Variants in MCHR2 observed in about 807,000 individuals in gnomAD.
The protein encoded by MCHR2 is melanin concentrating hormone receptor 2, also known as melanin-concentrating hormone receptor 2.
A neutral mutation model predicts 24.8 loss-of-function variants in MCHR2; 15 were observed. The observed-to-expected ratio is 0.60, with a 90% CI of 0.40 to 0.93. The LOEUF is 0.93. MCHR2 is among the 40% of genes least tolerant of loss of function. The pLI is 0.00. For synonymous variants in MCHR2, 151 were observed against 147.6 expected (o/e 1.02, Z -0.17); for missense variants, 386 against 408.7 (o/e 0.94, Z 0.48).
At chr6:99,948,356 C>G (rs1157642604) in intron 2 of MCHR2, among the ~76,000 whole-genome samples, 1 of 150,002 alleles carries the variant, frequency 6.7e-6, no homozygotes, top group Non-Finnish European at 1.5e-5. Flanking sequence ...GGATTGCTTT[C>G]CCTGGTGGTA....
At chr6:99,930,471 T>C (rs1172192479) in intron 5 of MCHR2, among the ~76,000 whole-genome samples, 1 of 152,242 alleles carries the variant, frequency 6.6e-6, no homozygotes, top group Non-Finnish European at 1.5e-5. Flanking sequence ...CACTTTCAGG[T>C]ACACCAATCA....
intron 1 of MCHR2, among the ~76,000 whole-genome samples, chr6:99,977,546 G>GA (rs1249562622): frequency 1.3e-5 from 2 of 151,420 alleles, no homozygotes; most frequent in East Asian, 1.9e-4. Context: ...CCTCTGCAAA[G>GA]AAAAAAAAGT....
chr6:99,929,546 G>T (rs569225614), intron 5 of MCHR2, among the ~76,000 whole-genome samples: 343 of 152,158 alleles, frequency 2.3e-3, no homozygotes, highest in Non-Finnish European at 3.8e-3. Context: ...TATATATTTA[G>T]GATAGTTAGC....
chr6:99,965,492 T>C (rs971645500), intron 1 of MCHR2, among the ~76,000 whole-genome samples: 1 of 152,188 alleles, frequency 6.6e-6, no homozygotes, highest in Admixed American at 6.6e-5. Context: ...CTCATGTTGT[T>C]TTAAAAATCA....
chr6:99,994,099 G>T lies in MCHR2; in HGVS notation c.-191C>A, dbSNP rs199972059. On this transcript the variant is annotated 5_prime_UTR_variant, in exon 1 of 6. Transcript: ENST00000281806. ...TGCGAGGGTCTCTGAGACAGGTTGG[G>T]AGCCAGCCCCACCTCCATTTCCAAA... is the stretch of plus-strand genomic sequence containing the variant. 2.0e-5 allele frequency: 3 copies of T among 152,424 alleles called. No homozygotes were observed. The highest frequency in any genetic ancestry group is 2.0e-4 in the Admixed American group (3 of 15,300). The allele number at this position is 152,424 out of a possible 1,614,324, so 9.4% of individuals were successfully genotyped here.
intron 2 of MCHR2, among the ~76,000 whole-genome samples, chr6:99,950,237 AAC>A (rs1244646226): frequency 1.2e-4 from 18 of 152,296 alleles, no homozygotes; most frequent in South Asian, 2.1e-4. Context: ...CAATATGAAT[AAC>A]ACATTATATT....
intron 1 of MCHR2, among the ~76,000 whole-genome samples, chr6:99,978,103 T>C (rs1199351505): frequency 1.3e-5 from 2 of 152,190 alleles, no homozygotes; most frequent in East Asian, 1.9e-4. Context: ...GTGCAGCCGA[T>C]GGGCCTCTCT....
intron 4 of MCHR2, among the ~76,000 whole-genome samples, chr6:99,941,145 G>A (rs1385994015): frequency 6.6e-6 from 1 of 151,746 alleles, no homozygotes; most frequent in African/African-American, 2.4e-5. Context: ...ACTGTGAGTT[G>A]GGGGGAAGTT....
rs146135842 is a variant in MCHR2, at chr6:99,919,782, C to A, written c.*1158G>T. On this transcript the variant is annotated 3_prime_UTR_variant, in exon 6 of 6. Coordinates refer to ENST00000281806, the MANE Select transcript of MCHR2 (RefSeq NM_001040179.2). ...TCACTCTATTGCCCAAGCTGGAGTG[C>A]AGTGGCGTGATCTCGGCTCACTGTA... The A allele has an allele frequency of 4.7e-5, 7 of 148,176 alleles. No homozygotes were observed. Among genetic ancestry groups the A allele is most frequent in the African/African-American group, 1.7e-4 (7 of 40,366 alleles). 9.2% of individuals were successfully genotyped at this position (148,176 alleles called of 1,614,324 possible).
intron 1 of MCHR2, among the ~76,000 whole-genome samples, chr6:99,957,537 C>T (rs1413969172): frequency 6.6e-6 from 1 of 151,980 alleles, no homozygotes; most frequent in Non-Finnish European, 1.5e-5. Context: ...CCACTATCAC[C>T]ACTTTTCTTC....
In MCHR2 at chr6:99,964,221, T is replaced by C. The variant is rs182354634; in HGVS notation, c.-27-8047A>G. On this transcript the variant is annotated intron_variant, in intron 1 of 5. Transcript: ENST00000281806. ...ACAAGGAGGCATTATTAAAGTTGAA[T>C]AGATACATATTGCTGTATGACCCTG... Among the ~76,000 whole-genome samples the C allele has an allele frequency of 6.1e-3, 935 of 152,220 alleles. 10 individuals are homozygous for C. Among genetic ancestry groups the C allele is most frequent in the African/African-American group, 0.022 (899 of 41,524 alleles).
intron 1 of MCHR2, among the ~76,000 whole-genome samples, chr6:99,967,171 C>T (rs1224292046): frequency 3.5e-5 from 5 of 142,524 alleles, no homozygotes; most frequent in African/African-American, 1.3e-4. Context: ...AAAAAAAAAA[C>T]AGAAATTTAT....
At chr6:99,987,782 T>G (rs1163101314) in intron 1 of MCHR2, among the ~76,000 whole-genome samples, 1 of 152,164 alleles carries the variant, frequency 6.6e-6, no homozygotes, top group Non-Finnish European at 1.5e-5. Flanking sequence ...TAAAAGTGAC[T>G]GAAGTCACTT....
intron 1 of MCHR2, among the ~76,000 whole-genome samples, chr6:99,972,219 A>T (rs1775440064): frequency 6.6e-6 from 1 of 152,166 alleles, no homozygotes; most frequent in African/African-American, 2.4e-5. Flanking sequence ...TAAGCTATTG[A>T]TTATTGCCAC....
At chr6:99,970,826 C>T (rs1435371875) in intron 1 of MCHR2, among the ~76,000 whole-genome samples, 1 of 152,184 alleles carries the variant, frequency 6.6e-6, no homozygotes, top group African/African-American at 2.4e-5. Context: ...GGATTCCTTT[C>T]CCCATTGCTT....
chr6:99,964,479 T>A (rs1342349792), intron 1 of MCHR2, among the ~76,000 whole-genome samples: 1 of 152,096 alleles, frequency 6.6e-6, no homozygotes, highest in African/African-American at 2.4e-5. Flanking sequence ...CTTACAATCA[T>A]GGCAGAAGGC....
intron 3 of MCHR2, among the ~76,000 whole-genome samples, chr6:99,946,927 G>A (rs1399188509): frequency 2.0e-5 from 3 of 152,060 alleles, no homozygotes; most frequent in Admixed American, 6.6e-5. Context: ...CTGGCATCTG[G>A]ATAATGCAGG....
intron 1 of MCHR2, among the ~76,000 whole-genome samples, chr6:99,964,843 C>T (rs972831278): frequency 2.6e-5 from 4 of 151,902 alleles, no homozygotes; most frequent in Non-Finnish European, 5.9e-5. Flanking sequence ...TAGGTACACA[C>T]GATAACATGG....
intron 1 of MCHR2, among the ~76,000 whole-genome samples, chr6:99,986,332 TA>T (rs1775767601): frequency 6.6e-6 from 1 of 152,068 alleles, no homozygotes; most frequent in Admixed American, 6.5e-5. Context: ...TATCTACCCC[TA>T]AAAAAGAAAT....
Sources: gnomAD v4.1 joint callset for allele counts (sites outside exome capture counted in the v4.1 genomes callset) on GRCh38, gnomAD v4.1.1 for gene constraint, MANE v1.5 for transcripts, NCBI Gene and HGNC (gene_info 2026-07-23, HGNC 2026-07-21) for gene names.